The following CCDC22 variants were observed in gnomAD, a reference collection of about 807,000 sequenced individuals.
The protein encoded by CCDC22 is CCC complex scaffolding subunit CCDC22, also known as coiled-coil domain-containing protein 22.
A neutral mutation model predicts 53.1 loss-of-function variants in CCDC22; 4 were observed. The ratio of observed to expected loss-of-function variants is 0.08; its 90% CI spans 0.04 to 0.17. The LOEUF (loss-of-function observed/expected upper bound fraction) is 0.17. Ranked by LOEUF, CCDC22 falls within the 10% of genes least tolerant of loss-of-function variation. The pLI is 1.00. For missense variants in CCDC22, 458 were observed against 554.0 expected (o/e 0.83, Z 1.74); for synonymous variants, 222 against 224.4 (o/e 0.99, Z 0.10).
intron 6 of CCDC22, 25 bp from the exon 7 acceptor site, chrX:49,246,706 T>C (rs1557114226): frequency 1.8e-6 from 2 of 1,110,043 alleles, no homozygotes; most frequent in Admixed American, 3.2e-5. Flanking sequence ...TACACCTTCC[T>C]GCTTCCCCCG....
At chrX:49,246,014 C>T (rs966288906) in intron 6 of CCDC22, among the ~76,000 whole-genome samples, 2 of 106,684 alleles carry the variant, frequency 1.9e-5, no homozygotes, top group Admixed American at 2.0e-4. Flanking sequence ...GAGACGGAGT[C>T]TCTCTCTGTT....
intron 2 of CCDC22, among the ~76,000 whole-genome samples, chrX:49,240,564 A>C (rs1287083561): frequency 8.9e-6 from 1 of 111,825 alleles, no homozygotes; most frequent in Non-Finnish European, 1.9e-5. Context: ...CCAAAAAAAT[A>C]AAAAACAGGT....
chrX:49,242,865 C>T, intron 3 of CCDC22, 21 bp from the exon 4 acceptor site: 4 of 1,027,747 alleles, frequency 3.9e-6, no homozygotes, highest in Non-Finnish European at 5.2e-6. Context: ...ATCTGATTCA[C>T]TTCCTCCCTA....
At position 49,241,872 on chromosome X, in the gene CCDC22, C is replaced by G. The variant is rs868919042; in HGVS notation, c.229-144C>G. 1.7e-5 allele frequency: 10 copies of G among 573,809 alleles called. No homozygotes were observed. In the Middle Eastern group the frequency reaches 3.1e-3, roughly 175 times the overall value. 47.3% of individuals were successfully genotyped at this position (573,809 alleles called of 1,213,427 possible). A position where few individuals can be genotyped will look rare whatever the true frequency, so the allele number is the denominator to read the frequency against. Reference sequence around the variant, plus strand: ...GACTATCATCACTCTGTGACTCCCCCCAGGGCCCAGAGGCCTTGGGGAGCT... The same window carrying G: ...GACTATCATCACTCTGTGACTCCCCGCAGGGCCCAGAGGCCTTGGGGAGCT... On this transcript the variant is annotated intron_variant, in intron 2 of 16. Transcript: ENST00000376227.
intron 7 of CCDC22, 72 bp from the exon 8 acceptor site, chrX:49,247,424 G>T: frequency 1.0e-6 from 1 of 1,002,344 alleles, no homozygotes; most frequent in Non-Finnish European, 1.4e-6. Context: ...AGTTCTCAGG[G>T]GAGGCTGAGG....
At chrX:49,237,287 A>C (rs2065942599) in intron 2 of CCDC22, 24 bp downstream of exon 2, 1 of 1,165,160 alleles carries the variant, frequency 8.6e-7, no homozygotes, top group South Asian at 1.9e-5. Flanking sequence ...CTCCTAATGC[A>C]CACATCCTCT....
chrX:49,237,759 CTTT>C (rs782723167), intron 2 of CCDC22, among the ~76,000 whole-genome samples: 2 of 94,117 alleles, frequency 2.1e-5, no homozygotes, highest in African/African-American at 3.9e-5. Context: ...ATGGTCATTC[CTTT>C]TTTTTTTTTT....
At chrX:49,240,929 T>A (rs2065960625) in intron 2 of CCDC22, among the ~76,000 whole-genome samples, 1 of 112,391 alleles carries the variant, frequency 8.9e-6, no homozygotes, top group Non-Finnish European at 1.9e-5. Flanking sequence ...TACTCCTAAG[T>A]ATAGAATAAT....
intron 2 of CCDC22, among the ~76,000 whole-genome samples, chrX:49,241,499 A>G (rs868959728): frequency 3.7e-5 from 4 of 109,117 alleles, no homozygotes; most frequent in African/African-American, 1.3e-4. Flanking sequence ...AAAAAAAAAA[A>G]AAAAAAAAGG....
At chrX:49,245,947 G>T (rs2065986812) in intron 6 of CCDC22, among the ~76,000 whole-genome samples, 1 of 99,604 alleles carries the variant, frequency 1.0e-5, no homozygotes, top group Non-Finnish European at 2.1e-5. Context: ...TATCTTGTGG[G>T]TTTTTTTTTG....
intron 2 of CCDC22, 42 bp downstream of exon 2, chrX:49,237,305 T>C: frequency 8.8e-7 from 1 of 1,137,344 alleles, no homozygotes; most frequent in South Asian, 2.0e-5. Context: ...TCTTTCTTCC[T>C]CTTTTACAAA....
At chrX:49,236,055 C>T (rs2065936473) in intron 1 of CCDC22, among the ~76,000 whole-genome samples, 1 of 108,891 alleles carries the variant, frequency 9.2e-6, no homozygotes, top group African/African-American at 3.4e-5. Context: ...TATCTGGAGA[C>T]CCTAAGACAC....
At chrX:49,240,562 AT>A (rs1235256814) in intron 2 of CCDC22, among the ~76,000 whole-genome samples, 2 of 111,881 alleles carry the variant, frequency 1.8e-5, no homozygotes, top group South Asian at 3.7e-4. Flanking sequence ...TTCCAAAAAA[AT>A]AAAAAACAGG....
At chrX:49,235,853 A>ACACACACG (rs1557112625) in intron 1 of CCDC22, among the ~76,000 whole-genome samples, 167 bp downstream of exon 1, 2 of 105,982 alleles carry the variant, frequency 1.9e-5, no homozygotes, top group Non-Finnish European at 3.9e-5. Context: ...ACACACACAC[A>ACACACACG]CACACACACA....
chrX:49,246,750 G>A lies in CCDC22; in HGVS notation c.734G>A (p.Arg245Gln), dbSNP rs782100592. ...CCCCAGGAGGACACACGGGCTCAGC[G>A]GCAGCGGCTGCAAAAGCAACTGACT... ...LPPQEDTRAQ[R>Q]QRLQKQLTEH... The change falls in exon 7 of 17, where the codon CGG becomes CAG. Residue 245 changes from arginine to glutamine, a missense_variant. Around this residue, in one of 4 missense-constraint regions of CCDC22, gnomAD observed 309 missense variants for 312.3 expected, o/e 0.99. Transcript: ENST00000376227. The A allele has an allele frequency of 3.2e-5, 37 of 1,163,212 alleles. No homozygotes were observed. Among genetic ancestry groups the A allele is most frequent in the Non-Finnish European group, 3.9e-5 (34 of 870,163 alleles).
rs143790434 is a variant in CCDC22 at position 49,248,248 on chromosome X, C to T, written c.1150C>T (p.Arg384Cys). ...TACAGCAGAGCGTGAGCAGGCCCTGCGCCTGAAGAGCCGCGCGGTGGAGCT... is the reference window on the plus strand; with the variant it reads ...TACAGCAGAGCGTGAGCAGGCCCTGTGCCTGAAGAGCCGCGCGGTGGAGCT... The part of the protein sequence containing the change: ...LSTAEREQAL[R>C]LKSRAVELLP... Residue 384 changes from arginine (R) to cysteine (C), a missense_variant, in exon 10 of 17, where the codon CGC becomes TGC. Around this residue, in one of 4 missense-constraint regions of CCDC22, gnomAD observed 309 missense variants for 312.3 expected, o/e 0.99. Transcript: ENST00000376227. 4.3e-3 allele frequency: 5,178 copies of T among 1,203,066 alleles called. 4 individuals are homozygous for T. Among genetic ancestry groups the T allele is most frequent in the Non-Finnish European group, 5.2e-3 (4,620 of 894,173 alleles).
intron 13 of CCDC22, 42 bp downstream of exon 13, chrX:49,248,966 C>A: frequency 8.4e-7 from 1 of 1,192,435 alleles, no homozygotes; most frequent in South Asian, 1.8e-5. Flanking sequence ...TGTGGGCTGT[C>A]AGGCATAGTG....
At chrX:49,246,128 G>A (rs940520556) in intron 6 of CCDC22, among the ~76,000 whole-genome samples, 1 of 110,886 alleles carries the variant, frequency 9.0e-6, no homozygotes, top group Non-Finnish European at 1.9e-5. Context: ...GGAATTACAG[G>A]AGCACACTAA....
At chrX:49,236,516 C>T (rs2065939159) in intron 1 of CCDC22, among the ~76,000 whole-genome samples, 1 of 111,120 alleles carries the variant, frequency 9.0e-6, no homozygotes, top group African/African-American at 3.3e-5. Flanking sequence ...CCAAAAAAAC[C>T]CAGAATTCTA....
Sources: allele counts gnomAD v4.1 joint callset (sites outside exome capture counted in the v4.1 genomes callset), GRCh38; gene constraint gnomAD v4.1.1; regional missense constraint gnomAD v4.1.1; transcripts MANE v1.5; gene names NCBI Gene and HGNC (gene_info 2026-07-23, HGNC 2026-07-21).